SLC6A2: variants seen among roughly 807,000 people sequenced by gnomAD.
The protein encoded by SLC6A2 is solute carrier family 6 member 2.
SLC6A2 carries 26 observed loss-of-function variants against 71.7 expected under a neutral mutation model. That is an observed-to-expected ratio of 0.36 (90% CI 0.27 to 0.50). The LOEUF is 0.50. SLC6A2 is among the 20% of genes least tolerant of loss of function. SLC6A2 has a pLI of 0.96. For missense variants in SLC6A2, 581 were observed against 803.9 expected (o/e 0.72, Z 3.35); for synonymous variants, 363 against 337.9 (o/e 1.07, Z -0.82).
intron 5 of SLC6A2, among the ~76,000 whole-genome samples, chr16:55,687,915 G>A (rs1965504892): frequency 6.6e-6 from 1 of 152,176 alleles, no homozygotes; most frequent in Non-Finnish European, 1.5e-5. Context: ...AGGTAATGAG[G>A]GGCGAACCAG....
intron 4 of SLC6A2, among the ~76,000 whole-genome samples, chr16:55,677,661 T>TG (rs1965134161): frequency 9.8e-6 from 1 of 101,874 alleles, no homozygotes; most frequent in Non-Finnish European, 2.1e-5. Context: ...AATGCAGAGT[T>TG]GTTTTTTGTT....
Position 55,705,734 on chromosome 16 carries a change from A to G in SLC6A2, c.*3388A>G, listed in dbSNP as rs1054085994. 2 of 153,286 alleles carry G rather than the reference A, an allele frequency of 1.3e-5. No homozygotes were observed. Among genetic ancestry groups the G allele is most frequent in the South Asian group, 2.1e-4 (1 of 4,840 alleles). 9.5% of individuals were successfully genotyped at this position (153,286 alleles called of 1,614,324 possible). ...ATCACTTAACTGTAAGAATTTCCCA[A>G]AATGAACTGATGACCAGTGATCTCT... On this transcript the variant is annotated 3_prime_UTR_variant, in exon 15 of 15. Transcript: ENST00000568943.
intron 4 of SLC6A2, among the ~76,000 whole-genome samples, chr16:55,673,342 G>A (rs36023): frequency 0.34 from 51,953 of 152,024 alleles, 9,226 homozygotes; most frequent in Non-Finnish European, 0.39. Context: ...CTTGGTTAAG[G>A]TGGAGACTGC....
At chr16:55,658,362 A>T in intron 2 of SLC6A2, among the ~76,000 whole-genome samples, 1 of 152,082 alleles carries the variant, frequency 6.6e-6, no homozygotes, top group South Asian at 2.1e-4. Flanking sequence ...AAATACAAAA[A>T]CTTAGCTGGG....
In SLC6A2 at chr16:55,704,984, C is replaced by A; in HGVS notation, c.*2638C>A. On this transcript the variant is annotated 3_prime_UTR_variant, in exon 15 of 15. Transcript: ENST00000568943. ...ACATTTAATGGAGAGAGAGTATGGG[C>A]TTTATGTTAAGTCATCTTTGACTTC... 2.2e-6 allele frequency: 1 copy of A among 446,498 alleles called. No homozygotes were observed. Among genetic ancestry groups the A allele is most frequent in the Non-Finnish European group, 4.0e-6 (1 of 251,584 alleles). 27.7% of individuals were successfully genotyped at this position (446,498 alleles called of 1,614,324 possible). A position where few individuals can be genotyped will look rare whatever the true frequency, so the allele number is the denominator to read the frequency against.
At chr16:55,669,839 CA>C (rs1567435042) in intron 3 of SLC6A2, 143 bp downstream of exon 3, 1 of 891,940 alleles carries the variant, frequency 1.1e-6, no homozygotes, top group Non-Finnish European at 1.8e-6. Flanking sequence ...CAGTGTCCCC[CA>C]TTCCAAGTTA....
intron 5 of SLC6A2, among the ~76,000 whole-genome samples, chr16:55,687,334 A>G (rs1433691890): frequency 6.6e-6 from 1 of 152,228 alleles, no homozygotes; most frequent in Non-Finnish European, 1.5e-5. Flanking sequence ...TATTGAAGGC[A>G]TTTCTTAGCC....
intron 3 of SLC6A2, 41 bp downstream of exon 3, chr16:55,669,737 G>A: frequency 2.5e-6 from 4 of 1,612,342 alleles, no homozygotes; most frequent in Non-Finnish European, 1.7e-6. Context: ...GTTCATAAAG[G>A]CTTCCCTGTT....
intron 2 of SLC6A2, 114 bp downstream of exon 2, chr16:55,657,082 C>G: frequency 8.4e-7 from 1 of 1,192,014 alleles, no homozygotes; most frequent in Non-Finnish European, 1.2e-6. Context: ...AGGGGCAAAT[C>G]TGGGGCGCAG....
Position 55,664,447 on chromosome 16 carries a change from C to T in SLC6A2, c.275-5118C>T, listed in dbSNP as rs1258866432. ...GGACTTGGGGATCCCAGAGCACTGCCGCAGAGTCCTGTGTGTGGCCTCCAG... is the reference window on the plus strand; with the variant it reads ...GGACTTGGGGATCCCAGAGCACTGCTGCAGAGTCCTGTGTGTGGCCTCCAG... On this transcript the variant is annotated intron_variant, in intron 2 of 14. Transcript: ENST00000568943. 3.3e-5 allele frequency among the ~76,000 whole-genome samples: 5 copies of T among 152,210 alleles called. No homozygotes were observed. The South Asian group carries it at 8.3e-4, about 25-fold the overall frequency.
chr16:55,697,158 A>T (rs1026338215), intron 9 of SLC6A2, among the ~76,000 whole-genome samples: 1 of 152,190 alleles, frequency 6.6e-6, no homozygotes, highest in East Asian at 1.9e-4. Flanking sequence ...AAGGGCTGGC[A>T]CTTGGTTTTC....
chr16:55,697,084 A>C (rs1429035534), intron 9 of SLC6A2, among the ~76,000 whole-genome samples: 1 of 152,196 alleles, frequency 6.6e-6, no homozygotes, highest in Non-Finnish European at 1.5e-5. Flanking sequence ...ATTTACTGAC[A>C]TCTTTTTAAA....
intron 10 of SLC6A2, 80 bp from the exon 11 acceptor site, chr16:55,698,389 G>T (rs184812485): frequency 1.0e-6 from 1 of 999,288 alleles, no homozygotes; most frequent in Non-Finnish European, 1.6e-6. Context: ...ACAGGGGGCA[G>T]GTAAGAGTTG....
intron 2 of SLC6A2, among the ~76,000 whole-genome samples, chr16:55,659,166 A>G (rs555369026): frequency 2.0e-5 from 3 of 152,258 alleles, no homozygotes; most frequent in African/African-American, 7.2e-5. Context: ...ACCAAGAGGC[A>G]TGAACCACCA....
At chr16:55,668,475 G>C (rs759891901) in intron 2 of SLC6A2, among the ~76,000 whole-genome samples, 2 of 152,142 alleles carry the variant, frequency 1.3e-5, no homozygotes, top group African/African-American at 2.4e-5. Flanking sequence ...AGAGTATTTG[G>C]TTTCCAGGGT....
chr16:55,699,617 G>C lies in SLC6A2; in HGVS notation c.1553G>C (p.Arg518Thr). The change falls in exon 12 of 15, where the codon AGA (arginine) becomes ACA (threonine). Residue 518 changes from arginine (R) to threonine (T), a missense_variant. Coordinates refer to ENST00000568943, the MANE Select transcript of SLC6A2 (RefSeq NM_001172501.3). ...MMGFRPGLYW[R>T]LCWKFVSPAF... ...GGGTTCAGGCCGGGTCTATACTGGA[G>C]ACTGTGCTGGAAGTTCGTCAGTCCT... 6.2e-7 allele frequency: 1 copy of C among 1,614,170 alleles called. No individual in the cohort carries two copies. The highest frequency in any genetic ancestry group is 8.5e-7 in the Non-Finnish European group (1 of 1,180,006).
At chr16:55,684,037 C>G (rs1224943776) in intron 4 of SLC6A2, among the ~76,000 whole-genome samples, 6 of 152,132 alleles carry the variant, frequency 3.9e-5, no homozygotes, top group African/African-American at 1.4e-4. Flanking sequence ...GTGGCTCACA[C>G]CTATAATCTC....
intron 2 of SLC6A2, among the ~76,000 whole-genome samples, chr16:55,663,451 C>T (rs985473146): frequency 1.3e-5 from 2 of 152,186 alleles, no homozygotes; most frequent in African/African-American, 2.4e-5. Flanking sequence ...CCACCAGATA[C>T]AGCTGCCCAA....
intron 4 of SLC6A2, among the ~76,000 whole-genome samples, chr16:55,680,244 G>T (rs2142541702): frequency 6.6e-6 from 1 of 152,306 alleles, no homozygotes; most frequent in Non-Finnish European, 1.5e-5. Flanking sequence ...GACTGGGTTT[G>T]GGAGAGGGTG....
Sources: gnomAD v4.1 joint callset for allele counts (sites outside exome capture counted in the v4.1 genomes callset) on GRCh38, gnomAD v4.1.1 for gene constraint, MANE v1.5 for transcripts, NCBI Gene and HGNC (gene_info 2026-07-23, HGNC 2026-07-21) for gene names.